Variants in SAXO1 observed in about 807,000 individuals in gnomAD.
The protein encoded by SAXO1 is 4930500O09Rik.
In SAXO1, 21 loss-of-function variants were observed where a neutral mutation model predicts 17.5. The ratio of observed to expected loss-of-function variants is 1.20; its 90% CI spans 0.85 to 1.72. The LOEUF is 1.72. Among genes scored for constraint, SAXO1 ranks in the 40% most tolerant of loss-of-function variants. SAXO1 has a pLI of 0.00. For synonymous variants in SAXO1, 274 were observed against 216.5 expected (o/e 1.27, Z -2.33); for missense variants, 843 against 596.0 (o/e 1.41, Z -4.32).
chr9:18,963,532 A>ATTCCTAGGT (rs1832581768), intron 1 of SAXO1, among the ~76,000 whole-genome samples: 1 of 151,978 alleles, frequency 6.6e-6, no homozygotes, highest in Non-Finnish European at 1.5e-5. Flanking sequence ...TGTAAGTTGT[A>ATTCCTAGGT]TTCCTAGGTT....
chr9:19,027,387 G>T, intron 1 of SAXO1: 1 of 766,468 alleles, frequency 1.3e-6, no homozygotes, highest in South Asian at 1.4e-5. Flanking sequence ...AGAGACCCAC[G>T]GAGCAATACA....
chr9:19,020,953 T>A (rs1229891200), intron 1 of SAXO1, among the ~76,000 whole-genome samples: 1 of 152,242 alleles, frequency 6.6e-6, no homozygotes, highest in Non-Finnish European at 1.5e-5. Flanking sequence ...ATCCAACCCA[T>A]CTTTCACTAG....
chr9:18,997,471 G>T (rs534184864), intron 1 of SAXO1, among the ~76,000 whole-genome samples: 1 of 152,348 alleles, frequency 6.6e-6, no homozygotes, highest in African/African-American at 2.4e-5. Flanking sequence ...AGCTCAAACT[G>T]GGCAGAGCCC....
At chr9:19,042,112 T>TA (rs59442553) in intron 1 of SAXO1, among the ~76,000 whole-genome samples, 127,473 of 152,134 alleles carry the variant, frequency 0.84, 53,684 homozygotes, top group African/African-American at 0.92. Flanking sequence ...TCTAATAATC[T>TA]AATTTTTTAA....
intron 1 of SAXO1, among the ~76,000 whole-genome samples, chr9:18,979,859 C>A (rs1226442697): frequency 3.3e-5 from 5 of 151,948 alleles, no homozygotes; most frequent in African/African-American, 4.8e-5. Flanking sequence ...TAAAAAGAGT[C>A]TAGAAGTGGA....
At chr9:18,960,595 T>C (rs1297724985) in intron 1 of SAXO1, among the ~76,000 whole-genome samples, 2 of 152,082 alleles carry the variant, frequency 1.3e-5, no homozygotes, top group African/African-American at 4.8e-5. Context: ...CTGGGTAACA[T>C]GGTGAAACCC....
intron 1 of SAXO1, among the ~76,000 whole-genome samples, chr9:18,974,871 G>C (rs73431238): frequency 0.049 from 7,458 of 152,252 alleles, 538 homozygotes; most frequent in African/African-American, 0.16. Flanking sequence ...TGCTAAGGCT[G>C]ATAGGCAAAG....
chr9:19,028,166 GA>G, intron 1 of SAXO1: 1 of 1,417,840 alleles, frequency 7.1e-7, no homozygotes, highest in Non-Finnish European at 9.9e-7. Flanking sequence ...ACTCGCGGCT[GA>G]AGTGCGCAAT....
intron 3 of SAXO1, among the ~76,000 whole-genome samples, chr9:18,933,771 G>A (rs1831155589): frequency 6.6e-6 from 1 of 152,204 alleles, no homozygotes; most frequent in Non-Finnish European, 1.5e-5. Flanking sequence ...TTTGGGCCGG[G>A]CACGGTGGCT....
chr9:18,965,109 T>C (rs1832660037), intron 1 of SAXO1, among the ~76,000 whole-genome samples: 2 of 152,246 alleles, frequency 1.3e-5, no homozygotes, highest in South Asian at 4.1e-4. Context: ...GATTGCACTG[T>C]GGCCTGAGAC....
At chr9:19,043,770 A>T (rs920471559) in intron 1 of SAXO1, among the ~76,000 whole-genome samples, 1 of 150,482 alleles carries the variant, frequency 6.6e-6, no homozygotes, top group Non-Finnish European at 1.5e-5. Flanking sequence ...CCTGTCTCGA[A>T]AAAAAAAAAG....
In SAXO1 at chr9:18,928,379, C is replaced by A. The variant is rs1177874448; in HGVS notation, c.1098G>T (p.Glu366Asp). 6.2e-7 allele frequency: 1 copy of A among 1,612,084 alleles called. No homozygotes were observed. The highest frequency in any genetic ancestry group is 1.3e-5 in the African/African-American group (1 of 74,794). The change falls in exon 4 of 4, where the codon GAG becomes GAT. Residue 366 changes from glutamate (E) to aspartate (D), a missense_variant. Coordinates refer to ENST00000380534, the MANE Select transcript of SAXO1 (RefSeq NM_153707.4). The stretch of plus-strand genomic sequence containing the variant: ...GAGTGGTGGTCAGGCAGTCCAGGGG[C>A]TCGGTGGGCAAGTCCAGCTGGGGAA... ...KPVPQLDLPT[E>D]PLDCLTTTRA...
At chr9:18,995,398 AG>A in intron 1 of SAXO1, among the ~76,000 whole-genome samples, 1 of 152,356 alleles carries the variant, frequency 6.6e-6, no homozygotes, top group East Asian at 1.9e-4. Flanking sequence ...AGGCTGAAGT[AG>A]CCCAAAGCGG....
intron 2 of SAXO1, chr9:18,947,868 C>G (rs1362402300): frequency 6.6e-6 from 1 of 152,214 alleles, no homozygotes; most frequent in Non-Finnish European, 1.5e-5. Flanking sequence ...AATCATGCCT[C>G]ACGCTGGGAT....
At chr9:18,989,982 C>T (rs938786795) in intron 1 of SAXO1, among the ~76,000 whole-genome samples, 3 of 152,200 alleles carry the variant, frequency 2.0e-5, no homozygotes, top group African/African-American at 7.2e-5. Flanking sequence ...CCTATGCTAT[C>T]TTACTTGAAC....
chr9:19,021,222 C>A (rs1162106977), intron 1 of SAXO1, among the ~76,000 whole-genome samples: 1 of 152,130 alleles, frequency 6.6e-6, no homozygotes, highest in African/African-American at 2.4e-5. Context: ...ACATTAAACT[C>A]TTTAGTTCTC....
chr9:18,953,393 C>T (rs1832117789), intron 1 of SAXO1, among the ~76,000 whole-genome samples: 1 of 152,134 alleles, frequency 6.6e-6, no homozygotes, highest in South Asian at 2.1e-4. Context: ...TGGCAATATA[C>T]TGCAATATGA....
At chr9:19,048,916 G>A (rs1250540268) in intron 1 of SAXO1, among the ~76,000 whole-genome samples, 1 of 152,230 alleles carries the variant, frequency 6.6e-6, no homozygotes, top group Admixed American at 6.5e-5. Context: ...CTCCTAGGAG[G>A]GACTTGCTAT....
intron 1 of SAXO1, among the ~76,000 whole-genome samples, chr9:19,022,184 C>T (rs888696616): frequency 3.3e-5 from 5 of 152,224 alleles, no homozygotes; most frequent in African/African-American, 9.6e-5. Context: ...CCTTTAAGAG[C>T]TGTAACACTC....
Sources: allele counts gnomAD v4.1 joint callset (sites outside exome capture counted in the v4.1 genomes callset), GRCh38; gene constraint gnomAD v4.1.1; transcripts MANE v1.5; gene names NCBI Gene and HGNC (gene_info 2026-07-23, HGNC 2026-07-21).